The following LHFPL6 variants were observed in gnomAD, a reference collection of about 807,000 sequenced individuals.
LHFPL6 encodes LHFPL tetraspan subfamily member 6 protein.
LHFPL6 carries 9 observed loss-of-function variants against 20.6 expected under a neutral mutation model. The observed-to-expected ratio is 0.44, with a 90% CI of 0.26 to 0.76. LHFPL6 has a LOEUF of 0.76. LHFPL6 is among the 30% of genes least tolerant of loss of function. The pLI is 0.20. For missense variants in LHFPL6, 218 were observed against 253.5 expected (o/e 0.86, Z 0.95); for synonymous variants, 105 against 98.7 (o/e 1.06, Z -0.38).
intron 2 of LHFPL6, among the ~76,000 whole-genome samples, chr13:39,416,849 C>G (rs1221131214): frequency 6.6e-6 from 1 of 150,890 alleles, no homozygotes; most frequent in Non-Finnish European, 1.5e-5. Context: ...CTGCTAGTCC[C>G]AGCACCTATT....
At chr13:39,576,758 T>C in intron 2 of LHFPL6, among the ~76,000 whole-genome samples, 1 of 152,158 alleles carries the variant, frequency 6.6e-6, no homozygotes, top group Non-Finnish European at 1.5e-5. Context: ...CTCGGCCTCC[T>C]GAGTAGCTAG....
intron 3 of LHFPL6, among the ~76,000 whole-genome samples, chr13:39,349,529 G>A (rs1430390225): frequency 1.3e-5 from 2 of 152,166 alleles, no homozygotes; most frequent in Admixed American, 6.5e-5. Flanking sequence ...ATGAATCACT[G>A]GGTACTGGGA....
intron 2 of LHFPL6, among the ~76,000 whole-genome samples, chr13:39,520,970 C>G (rs541808715): frequency 7.9e-5 from 12 of 152,332 alleles, no homozygotes; most frequent in African/African-American, 2.6e-4. Flanking sequence ...GGGTCATGGA[C>G]AGCCTCAGTT....
chr13:39,364,102 T>C (rs183832006), intron 3 of LHFPL6, among the ~76,000 whole-genome samples: 1 of 152,326 alleles, frequency 6.6e-6, no homozygotes, highest in East Asian at 1.9e-4. Flanking sequence ...AGTGCGTGAC[T>C]GTACTTCATG....
intron 2 of LHFPL6, among the ~76,000 whole-genome samples, chr13:39,496,661 G>A (rs543705537): frequency 1.4e-4 from 21 of 152,318 alleles, no homozygotes; most frequent in Non-Finnish European, 7.3e-5. Context: ...ATATAAAAGA[G>A]CATGCAGCTT....
intron 2 of LHFPL6, among the ~76,000 whole-genome samples, chr13:39,501,314 C>T (rs1238225867): frequency 6.6e-6 from 1 of 152,174 alleles, no homozygotes; most frequent in Non-Finnish European, 1.5e-5. Flanking sequence ...GCCTCTCACG[C>T]TATCCTTTCT....
At chr13:39,417,377 C>T (rs374424692) in intron 2 of LHFPL6, among the ~76,000 whole-genome samples, 8 of 152,252 alleles carry the variant, frequency 5.3e-5, no homozygotes, top group South Asian at 4.1e-4. Flanking sequence ...GCCGGAGCAA[C>T]GCTGTGAGAA....
chr13:39,482,622 T>C (rs764301009), intron 2 of LHFPL6, among the ~76,000 whole-genome samples: 23 of 152,094 alleles, frequency 1.5e-4, no homozygotes, highest in Non-Finnish European at 2.6e-4. Flanking sequence ...AGAGATATAG[T>C]AAAGTGGACA....
intron 3 of LHFPL6, among the ~76,000 whole-genome samples, chr13:39,377,224 A>T (rs1433978400): frequency 6.6e-6 from 1 of 152,246 alleles, no homozygotes; most frequent in Non-Finnish European, 1.5e-5. Context: ...CATAAAAAGT[A>T]TACAGGTTTA....
intron 2 of LHFPL6, among the ~76,000 whole-genome samples, chr13:39,522,670 T>C (rs1016461846): frequency 6.6e-6 from 1 of 152,360 alleles, no homozygotes; most frequent in East Asian, 1.9e-4. Context: ...AAATTTCTCT[T>C]GGTCTGTATA....
At chr13:39,366,121 C>T (rs908627753) in intron 3 of LHFPL6, among the ~76,000 whole-genome samples, 2 of 152,176 alleles carry the variant, frequency 1.3e-5, no homozygotes, top group Non-Finnish European at 2.9e-5. Context: ...TGTTTTAGCT[C>T]ACATTTTTCA....
In LHFPL6 at chr13:39,343,932, C is replaced by T. The variant is rs1474791861; in HGVS notation, c.*4G>A. 1 of 1,611,682 alleles carries T rather than the reference C, an allele frequency of 6.2e-7. No individual in the cohort carries two copies. Among genetic ancestry groups the T allele is most frequent in the Non-Finnish European group, 8.5e-7 (1 of 1,178,232 alleles). The stretch of plus-strand genomic sequence containing the variant: ...CTCCTCTGTCTGCTCTTGGTAGCTC[C>T]ATCTCAGTATGGGTAGTGCTTCTGT... On this transcript the variant is annotated 3_prime_UTR_variant, in exon 4 of 4. Transcript: ENST00000379589.
rs1187128856 is a variant in LHFPL6 at position 39,345,537 on chromosome 13, A to AG, written c.485-1484_485-1483insC. 3.4e-3 allele frequency among the ~76,000 whole-genome samples: 504 copies of AG among 146,578 alleles called. 5 individuals carry two copies. Among genetic ancestry groups the AG allele is most frequent in the Admixed American group, 5.4e-3 (79 of 14,518 alleles). The stretch of plus-strand genomic sequence containing the variant: ...CAAAAAAAAAAAAAAAAAAAAAAAA[A>AG]AAAGAAAGAAAATCACATCCCTTCT... On this transcript the variant is annotated intron_variant, in intron 3 of 3. Coordinates refer to ENST00000379589, the MANE Select transcript of LHFPL6 (RefSeq NM_005780.3).
At chr13:39,495,595 A>G (rs1411815845) in intron 2 of LHFPL6, among the ~76,000 whole-genome samples, 1 of 141,282 alleles carries the variant, frequency 7.1e-6, no homozygotes, top group African/African-American at 2.5e-5. Context: ...TTCAACGACC[A>G]TACTAGGCTT....
chr13:39,560,504 C>CTTTTTTTTTTTTTTT (rs376446144), intron 2 of LHFPL6, among the ~76,000 whole-genome samples: 7 of 118,176 alleles, frequency 5.9e-5, no homozygotes, highest in African/African-American at 6.2e-5. Context: ...TGCAAATTCT[C>CTTTTTTTTTTTTTTT]TTTTTTTTTT....
intron 2 of LHFPL6, among the ~76,000 whole-genome samples, chr13:39,455,224 G>A (rs933056648): frequency 1.4e-4 from 21 of 152,222 alleles, no homozygotes; most frequent in African/African-American, 4.6e-4. Context: ...TTAACAAAAT[G>A]TTCTGGGCGC....
intron 2 of LHFPL6, among the ~76,000 whole-genome samples, chr13:39,563,091 A>AACACACACACACACACAC (rs60324329): frequency 5.2e-5 from 7 of 135,870 alleles, no homozygotes; most frequent in Non-Finnish European, 1.1e-4. Context: ...CAATACTAGA[A>AACACACACACACACACAC]ACACACACAC....
At chr13:39,576,172 T>C (rs1872108574) in intron 2 of LHFPL6, among the ~76,000 whole-genome samples, 1 of 152,230 alleles carries the variant, frequency 6.6e-6, no homozygotes, top group Non-Finnish European at 1.5e-5. Context: ...AGCCCATTTT[T>C]CACTGCTCTA....
intron 2 of LHFPL6, among the ~76,000 whole-genome samples, chr13:39,439,484 G>T (rs1323026698): frequency 6.6e-6 from 1 of 152,062 alleles, no homozygotes; most frequent in Non-Finnish European, 1.5e-5. Context: ...GGGGACTTTT[G>T]GGAAGGCATG....
Sources: allele counts gnomAD v4.1 joint callset (sites outside exome capture counted in the v4.1 genomes callset), GRCh38; gene constraint gnomAD v4.1.1; transcripts MANE v1.5; gene names NCBI Gene and HGNC (gene_info 2026-07-23, HGNC 2026-07-21).